FKBP5: variants seen among roughly 807,000 people sequenced by gnomAD.
FKBP5 encodes the protein FKBP prolyl isomerase 5.
FKBP5 carries 23 observed loss-of-function variants against 50.5 expected under a neutral mutation model. The observed-to-expected ratio is 0.46, with a 90% CI of 0.33 to 0.65. The LOEUF is 0.65. Among genes scored for constraint, FKBP5 ranks in the 30% least tolerant of loss-of-function variants. FKBP5 has a pLI of 0.02. For missense variants in FKBP5, 411 were observed against 553.1 expected (o/e 0.74, Z 2.58); for synonymous variants, 176 against 190.6 (o/e 0.92, Z 0.63).
At chr6:35,707,364 G>T (rs1041415568) in intron 2 of FKBP5, among the ~76,000 whole-genome samples, 2 of 151,406 alleles carry the variant, frequency 1.3e-5, no homozygotes, top group African/African-American at 4.9e-5. Context: ...TTACAGGCAT[G>T]CACCACCACG....
intron 5 of FKBP5, among the ~76,000 whole-genome samples, chr6:35,606,658 TCAAAAAAAAAAAAAAAAAAAA>T (rs1480401349): frequency 1.5e-4 from 2 of 13,424 alleles, no homozygotes; most frequent in African/African-American, 4.1e-4. Context: ...AGACTCCGTC[TCAAAAAAAAAAAAAAAAAAAA>T]AAAAAAAAAA....
In FKBP5 at chr6:35,595,345, T is replaced by C. The variant is rs1720407631; in HGVS notation, c.665+1903A>G. On this transcript the variant is annotated intron_variant, in intron 6 of 10. Transcript: ENST00000357266. ...TTCCTATAACATTATGTTGTCATAA[T>C]ACATACAGAATTTATCCTAAGGGAG... 2.0e-5 allele frequency among the ~76,000 whole-genome samples: 3 copies of C among 152,240 alleles called. No individual in the cohort carries two copies. The South Asian group carries it at 6.2e-4, about 32-fold the overall frequency.
chr6:35,686,921 G>A (rs1188170958), intron 1 of FKBP5, among the ~76,000 whole-genome samples: 1 of 152,074 alleles, frequency 6.6e-6, no homozygotes, highest in African/African-American at 2.4e-5. Context: ...AACATACAAA[G>A]ACCTCATAGC....
upstream of FKBP5, among the ~76,000 whole-genome samples, chr6:35,690,359 A>G (rs1018734439): frequency 1.3e-5 from 2 of 152,120 alleles, no homozygotes; most frequent in Non-Finnish European, 2.9e-5. Context: ...CTGTAATCCC[A>G]GCTATTCAGG....
intron 5 of FKBP5, among the ~76,000 whole-genome samples, chr6:35,602,037 T>C (rs1763161520): frequency 6.6e-6 from 1 of 152,154 alleles, no homozygotes; most frequent in Non-Finnish European, 1.5e-5. Context: ...AGCTCTGACT[T>C]ATTGTTCTCT....
At chr6:35,677,594 G>T (rs1399290085) in intron 1 of FKBP5, among the ~76,000 whole-genome samples, 1 of 152,176 alleles carries the variant, frequency 6.6e-6, no homozygotes, top group Non-Finnish European at 1.5e-5. Context: ...CTGGGCCACA[G>T]TCTGTGGTCT....
intron 1 of FKBP5, among the ~76,000 whole-genome samples, chr6:35,684,614 ATTC>A (rs762446651): frequency 8.5e-5 from 13 of 152,194 alleles, no homozygotes; most frequent in East Asian, 1.9e-4. Context: ...ATAAAATCTT[ATTC>A]TTATTTTTTA....
intron 1 of FKBP5, among the ~76,000 whole-genome samples, chr6:35,652,228 G>C (rs1428236087): frequency 1.3e-5 from 2 of 152,206 alleles, no homozygotes; most frequent in Admixed American, 6.5e-5. Flanking sequence ...TGTAATAATT[G>C]CGTTAAGTAC....
chr6:35,675,960 T>C (rs912018085), intron 1 of FKBP5, among the ~76,000 whole-genome samples: 4 of 152,212 alleles, frequency 2.6e-5, no homozygotes, highest in Non-Finnish European at 4.4e-5. Context: ...AGGGTCCTAT[T>C]AATCCTAACA....
intron 1 of FKBP5, among the ~76,000 whole-genome samples, chr6:35,667,495 C>T (rs1032336028): frequency 7.2e-5 from 11 of 152,112 alleles, no homozygotes; most frequent in Admixed American, 4.6e-4. Flanking sequence ...ATGATTAACC[C>T]GTTTCCTCCA....
intron 6 of FKBP5, among the ~76,000 whole-genome samples, chr6:35,594,103 C>T (rs751684366): frequency 6.6e-6 from 1 of 151,920 alleles, no homozygotes; most frequent in Non-Finnish European, 1.5e-5. Context: ...CCTGTAATCC[C>T]AAGCACTTTG....
At chr6:35,649,249 TAAAAA>T (rs71002582) in intron 1 of FKBP5, among the ~76,000 whole-genome samples, 1 of 102,228 alleles carries the variant, frequency 9.8e-6, no homozygotes, top group Non-Finnish European at 1.9e-5. Context: ...AGACTCTGTC[TAAAAA>T]AAAAAAAAAA....
chr6:35,610,450 C>G (rs963148074), intron 5 of FKBP5, among the ~76,000 whole-genome samples: 3 of 151,044 alleles, frequency 2.0e-5, no homozygotes, highest in Non-Finnish European at 4.4e-5. Context: ...TGCCTGTAGT[C>G]CCAGCTACTC....
At chr6:35,715,052 A>C (rs1766488983) in intron 2 of FKBP5, among the ~76,000 whole-genome samples, 1 of 152,022 alleles carries the variant, frequency 6.6e-6, no homozygotes, top group Non-Finnish European at 1.5e-5. Flanking sequence ...GGTGCATGCC[A>C]CCACGCCTGC....
chr6:35,626,584 A>G (rs1764005339), intron 3 of FKBP5, among the ~76,000 whole-genome samples: 1 of 152,182 alleles, frequency 6.6e-6, no homozygotes, highest in Non-Finnish European at 1.5e-5. Flanking sequence ...TTGTGCAACC[A>G]ATCTCCAGAA....
chr6:35,707,373 C>G (rs917103329), intron 2 of FKBP5, among the ~76,000 whole-genome samples: 1 of 151,472 alleles, frequency 6.6e-6, no homozygotes, highest in South Asian at 2.1e-4. Context: ...TGCACCACCA[C>G]GGCCGGCTAA....
At chr6:35,692,459 G>A (rs1291502607), upstream of FKBP5, among the ~76,000 whole-genome samples, 1 of 152,098 alleles carries the variant, frequency 6.6e-6, no homozygotes. Context: ...CCTTCATCTT[G>A]GTTTCAGAAT....
At position 35,679,617 on chromosome 6, in the gene FKBP5, T is replaced by C. The variant is rs73417691; in HGVS notation, c.-20+9187A>G. 5.2e-3 allele frequency among the ~76,000 whole-genome samples: 785 copies of C among 152,330 alleles called. 8 individuals are homozygous for C. Among genetic ancestry groups the C allele is most frequent in the African/African-American group, 0.013 (550 of 41,582 alleles). On this transcript the variant is annotated intron_variant, in intron 1 of 10. Coordinates refer to ENST00000357266, the MANE Select transcript of FKBP5 (RefSeq NM_004117.4). Reference sequence around the variant, plus strand: ...TAAAAAAGGAATGAAATAATGTCTTTTACAACAACTTTGATAAAGCTGGAT... The same window carrying C: ...TAAAAAAGGAATGAAATAATGTCTTCTACAACAACTTTGATAAAGCTGGAT...
At chr6:35,601,536 G>A (rs1363985254) in intron 5 of FKBP5, among the ~76,000 whole-genome samples, 3 of 152,206 alleles carry the variant, frequency 2.0e-5, no homozygotes, top group Non-Finnish European at 4.4e-5. Context: ...AGCTCCTATA[G>A]CTCCACTTAT....
Sources: allele counts gnomAD v4.1 joint callset (sites outside exome capture counted in the v4.1 genomes callset), GRCh38; gene constraint gnomAD v4.1.1; transcripts MANE v1.5; gene names NCBI Gene and HGNC (gene_info 2026-07-23, HGNC 2026-07-21).